MAPRE1: variants seen among roughly 807,000 people sequenced by gnomAD.
MAPRE1 encodes the protein microtubule associated protein RP/EB family member 1.
In MAPRE1, 5 loss-of-function variants were observed where a neutral mutation model predicts 32.1. The observed-to-expected ratio is 0.16, with a 90% CI of 0.08 to 0.33. The LOEUF is 0.33. Ranked by LOEUF, MAPRE1 falls within the 10% of genes least tolerant of loss-of-function variation. The pLI, the probability that MAPRE1 is intolerant of heterozygous loss-of-function variation, is 1.00. For synonymous variants in MAPRE1, 122 were observed against 118.9 expected (o/e 1.03, Z -0.17); for missense variants, 209 against 327.2 (o/e 0.64, Z 2.79).
intron 2 of MAPRE1, among the ~76,000 whole-genome samples, chr20:32,832,277 C>T (rs76515703): frequency 0.01 from 1,544 of 152,180 alleles, 25 homozygotes; most frequent in African/African-American, 0.035. Context: ...GCAAATTAGC[C>T]CTGGAAGGGC....
chr20:32,829,069 T>C (rs2146125046), intron 2 of MAPRE1, among the ~76,000 whole-genome samples: 1 of 152,126 alleles, frequency 6.6e-6, no homozygotes, highest in East Asian at 1.9e-4. Flanking sequence ...TACAGGTGCG[T>C]GCCACCTGTA....
chr20:32,832,041 C>T (rs1291197793), intron 2 of MAPRE1, among the ~76,000 whole-genome samples: 2 of 151,826 alleles, frequency 1.3e-5, no homozygotes, highest in Non-Finnish European at 2.9e-5. Flanking sequence ...CCTTAACCTT[C>T]TGAAGATCCT....
At chr20:32,846,573 C>T (rs1189684393) in intron 5 of MAPRE1, 45 bp from the exon 6 acceptor site, 1 of 1,586,164 alleles carries the variant, frequency 6.3e-7, no homozygotes, top group South Asian at 1.1e-5. Context: ...TATTTTATTG[C>T]CATACTAATG....
intron 2 of MAPRE1, among the ~76,000 whole-genome samples, chr20:32,833,192 C>A (rs375939127): frequency 1.3e-5 from 2 of 151,224 alleles, no homozygotes; most frequent in East Asian, 3.9e-4. Context: ...ACAGTGAGAC[C>A]CTGTTTCGAA....
chr20:32,835,119 G>A (rs1185534134), intron 3 of MAPRE1, among the ~76,000 whole-genome samples: 1 of 152,148 alleles, frequency 6.6e-6, no homozygotes, highest in Non-Finnish European at 1.5e-5. Flanking sequence ...TAGCTACTCT[G>A]GAGGTTGAGG....
chr20:32,839,275 T>G (rs1470242826), intron 4 of MAPRE1, among the ~76,000 whole-genome samples: 1 of 152,214 alleles, frequency 6.6e-6, no homozygotes, highest in Non-Finnish European at 1.5e-5. Flanking sequence ...GACTGTGTGC[T>G]CATGTCTAGC....
At chr20:32,820,703 A>G (rs528688055) in intron 1 of MAPRE1, among the ~76,000 whole-genome samples, 2 of 152,260 alleles carry the variant, frequency 1.3e-5, no homozygotes, top group Admixed American at 1.3e-4. Context: ...CCAGGAATCC[A>G]CATTATGATG....
rs1179489405 is a variant in MAPRE1 at position 32,836,714 on chromosome 20, T to C, written c.348T>C (p.Asp116=). The stretch of plus-strand genomic sequence containing the variant: ...TTCAGTGGTTCAAGAAGTTTTTCGA[T>C]GCAAACTATGATGGAAAAGACTATG... The part of the protein sequence containing the change: ...EFVQWFKKFF[D]ANYDGKDYDP... Residue 116 remains aspartate (D), a synonymous_variant, in exon 4 of 7, where the codon GAT becomes GAC. Coordinates refer to ENST00000375571, the MANE Select transcript of MAPRE1 (RefSeq NM_012325.3). 1 of 1,613,902 alleles carries C rather than the reference T, an allele frequency of 6.2e-7. No homozygotes were observed. Among genetic ancestry groups the C allele is most frequent in the Admixed American group, 1.7e-5 (1 of 59,998 alleles).
chr20:32,825,474 A>G (rs995849416), intron 1 of MAPRE1, among the ~76,000 whole-genome samples: 1 of 152,136 alleles, frequency 6.6e-6, no homozygotes, highest in Non-Finnish European at 1.5e-5. Flanking sequence ...GTTTGGCCTC[A>G]TGGGGAAGAA....
intron 2 of MAPRE1, among the ~76,000 whole-genome samples, chr20:32,829,777 C>G (rs1372461503): frequency 6.6e-6 from 1 of 152,170 alleles, no homozygotes; most frequent in Non-Finnish European, 1.5e-5. Context: ...GTGAGCTGAG[C>G]CTTTGCTTGG....
chr20:32,840,586 A>C (rs995555686), intron 5 of MAPRE1, among the ~76,000 whole-genome samples: 5 of 151,822 alleles, frequency 3.3e-5, no homozygotes, highest in Admixed American at 6.6e-5. Context: ...GAGCCTCCCA[A>C]AGTGCTGGAG....
At position 32,849,808 on chromosome 20, in the gene MAPRE1, T is replaced by G. The variant is rs1983598868; in HGVS notation, c.*1080T>G. 1 of 152,622 alleles carries G rather than the reference T, an allele frequency of 6.6e-6. No homozygotes were observed. The highest frequency in any genetic ancestry group is 6.5e-5 in the Admixed American group (1 of 15,278). The allele number at this position is 152,622 out of a possible 1,614,324, so 9.5% of individuals were successfully genotyped here. On this transcript the variant is annotated 3_prime_UTR_variant, in exon 7 of 7. Coordinates refer to ENST00000375571, the MANE Select transcript of MAPRE1 (RefSeq NM_012325.3). ...CTTGGGATCTGCCAGGCTGGGGTGT[T>G]TTCGGTATCTGCTGTTCACAGCTCT...
chr20:32,822,088 C>T (rs1242390313), intron 1 of MAPRE1, among the ~76,000 whole-genome samples: 3 of 152,034 alleles, frequency 2.0e-5, no homozygotes, highest in Non-Finnish European at 4.4e-5. Context: ...TTGTGGAGCA[C>T]GTGGGACCAG....
intron 4 of MAPRE1, among the ~76,000 whole-genome samples, chr20:32,838,352 C>T (rs1358192554): frequency 6.6e-6 from 1 of 152,116 alleles, no homozygotes; most frequent in East Asian, 1.9e-4. Context: ...AATAATATTC[C>T]ATTGCATGCC....
At chr20:32,837,842 G>C (rs897909126) in intron 4 of MAPRE1, among the ~76,000 whole-genome samples, 2 of 152,322 alleles carry the variant, frequency 1.3e-5, no homozygotes, top group South Asian at 4.1e-4. Flanking sequence ...CCAGCGCTTT[G>C]GGAGGCTGAG....
At chr20:32,829,097 A>G (rs945637028) in intron 2 of MAPRE1, among the ~76,000 whole-genome samples, 6 of 152,042 alleles carry the variant, frequency 3.9e-5, no homozygotes, top group African/African-American at 1.2e-4. Context: ...TATTTTTACT[A>G]GAGACGGGGT....
At chr20:32,838,971 C>G (rs1399430767) in intron 4 of MAPRE1, among the ~76,000 whole-genome samples, 1 of 152,206 alleles carries the variant, frequency 6.6e-6, no homozygotes, top group Non-Finnish European at 1.5e-5. Flanking sequence ...ATTAATTTTA[C>G]TTGTAGATAG....
intron 2 of MAPRE1, among the ~76,000 whole-genome samples, chr20:32,831,323 T>A (rs1254145880): frequency 6.6e-6 from 1 of 151,932 alleles, no homozygotes; most frequent in African/African-American, 2.4e-5. Flanking sequence ...CGCATAAAAG[T>A]CTATCAGGAG....
At chr20:32,836,898 C>T (rs539076295) in intron 4 of MAPRE1, 57 bp downstream of exon 4, 21 of 1,474,056 alleles carry the variant, frequency 1.4e-5, no homozygotes, top group Admixed American at 1.4e-4. Flanking sequence ...ATTCATTCAG[C>T]GTTCAACTAG....
Sources: allele counts gnomAD v4.1 joint callset (sites outside exome capture counted in the v4.1 genomes callset), GRCh38; gene constraint gnomAD v4.1.1; transcripts MANE v1.5; gene names NCBI Gene and HGNC (gene_info 2026-07-23, HGNC 2026-07-21).